ISM2: variants seen among roughly 807,000 people sequenced by gnomAD.
ISM2 encodes the protein isthmin-2.
A neutral mutation model predicts 58.0 loss-of-function variants in ISM2; 50 were observed. That is an observed-to-expected ratio of 0.86 (90% CI 0.69 to 1.09). The LOEUF (loss-of-function observed/expected upper bound fraction) is 1.09. Among genes scored for constraint, ISM2 ranks in the 50% least tolerant of loss-of-function variants. ISM2 has a pLI of 0.00. For synonymous variants in ISM2, 303 were observed against 312.4 expected (o/e 0.97, Z 0.32); for missense variants, 723 against 745.0 (o/e 0.97, Z 0.34).
At chr14:77,478,876 T>A (rs986907535) in intron 4 of ISM2, among the ~76,000 whole-genome samples, 161 bp from the exon 5 acceptor site, 2 of 152,118 alleles carry the variant, frequency 1.3e-5, no homozygotes, top group Admixed American at 1.3e-4. Context: ...ACCTGCTCCC[T>A]CAACTGGATT....
chr14:77,482,385 C>T lies in ISM2; in HGVS notation c.910G>A (p.Asp304Asn). 6.2e-7 allele frequency: 1 copy of T among 1,614,194 alleles called. No individual in the cohort carries two copies. The highest frequency in any genetic ancestry group is 1.6e-4 in the Middle Eastern group (1 of 6,062). Residue 304 changes from aspartate to asparagine, a missense_variant, in exon 4 of 7, where the codon GAC becomes AAC. By Grantham distance (23) the Asp-to-Asn change is conservative (BLOSUM62 1). Coordinates refer to ENST00000342219, the MANE Select transcript of ISM2 (RefSeq NM_199296.3). ...GCCAGCCAGCCCTGGTCCCAGTTGT[C>T]TGTAGTTCCATTGAACCAGAGCGCC... ...EQALWFNGTT[D>N]NWDQGWLAPG...
At chr14:77,482,268 C>T in intron 4 of ISM2, 54 bp downstream of exon 4, 1 of 1,385,708 alleles carries the variant, frequency 7.2e-7, no homozygotes, top group South Asian at 1.3e-5. Context: ...ACCCCCATTT[C>T]CACTCAGTAC....
At chr14:77,498,579 G>C (rs1003928124) in intron 1 of ISM2, 74 bp downstream of exon 1, 44 of 1,388,880 alleles carry the variant, frequency 3.2e-5, no homozygotes, top group Non-Finnish European at 4.0e-5. Context: ...CCCGCTCCCC[G>C]CACGGCTGGA....
intron 1 of ISM2, among the ~76,000 whole-genome samples, chr14:77,490,154 C>T (rs1006581066): frequency 3.3e-5 from 5 of 149,962 alleles, no homozygotes; most frequent in Admixed American, 1.3e-4. Flanking sequence ...TGAGCCACCA[C>T]GCCCGGCTAA....
chr14:77,480,511 T>G lies in ISM2; in HGVS notation c.974-1796A>C, dbSNP rs539298354. On this transcript the variant is annotated intron_variant, in intron 4 of 6. Transcript: ENST00000342219. ...CTGGCGCCAAGAGTTTAAGGAAAAT[T>G]AATGGGAGAAAAGCTGAAAAACACG... Among the ~76,000 whole-genome samples the G allele has an allele frequency of 1.3e-3, 190 of 149,090 alleles. 1 individual carries two copies. Among genetic ancestry groups the G allele is most frequent in the Non-Finnish European group, 1.2e-3 (84 of 67,474 alleles).
At chr14:77,498,368 C>A in intron 1 of ISM2, 1 of 1,372,244 alleles carries the variant, frequency 7.3e-7, no homozygotes, top group Non-Finnish European at 9.7e-7. Flanking sequence ...AGCCCGGCCA[C>A]CGTGGAGTGT....
intron 5 of ISM2, 59 bp downstream of exon 5, chr14:77,478,516 C>T (rs1461916250): frequency 3.2e-6 from 5 of 1,582,946 alleles, no homozygotes; most frequent in Middle Eastern, 2.0e-4. Flanking sequence ...CCCAGGGGAC[C>T]AAGCCTCCAG....
intron 1 of ISM2, among the ~76,000 whole-genome samples, chr14:77,486,569 T>C (rs2079169057): frequency 6.6e-6 from 1 of 152,150 alleles, no homozygotes; most frequent in Admixed American, 6.5e-5. Flanking sequence ...TCCTAGCAGC[T>C]CCCACCCACA....
At chr14:77,495,987 T>C (rs1894615142) in intron 1 of ISM2, among the ~76,000 whole-genome samples, 1 of 151,560 alleles carries the variant, frequency 6.6e-6, no homozygotes, top group Admixed American at 6.6e-5. Context: ...CCAAGGCAGA[T>C]GGATCACTTG....
intron 6 of ISM2, among the ~76,000 whole-genome samples, chr14:77,477,700 T>A (rs896807310): frequency 6.6e-6 from 1 of 152,172 alleles, no homozygotes; most frequent in Non-Finnish European, 1.5e-5. Flanking sequence ...GCAGGCTCAG[T>A]AGGCTCTTGC....
rs779927826 is a variant in ISM2 at position 77,475,788 on chromosome 14, C to A, written c.1523G>T (p.Gly508Val). The A allele has an allele frequency of 3.7e-6, 6 of 1,613,114 alleles. No individual in the cohort carries two copies. The highest frequency in any genetic ancestry group is 5.1e-6 in the Non-Finnish European group (6 of 1,179,818). The change falls in exon 7 of 7, where the codon GGC becomes GTC. Residue 508 changes from glycine to valine, a missense_variant. Physicochemically the swap from Gly to Val is moderately radical, Grantham distance 109. Coordinates refer to ENST00000342219, the MANE Select transcript of ISM2 (RefSeq NM_199296.3). This position sits in a 1 kb window ranked among gnomAD's most constrained non-coding sequence, Gnocchi z 4.1. ...SRLLTRGKGAGMPNLISTDFS... is the reference protein window; with the variant it reads ...SRLLTRGKGAVMPNLISTDFS... ...GTCGGTGCTGATGAGGTTGGGCATGCCGGCGCCCTTGCCACGGGTCAGCAG... is the reference window on the plus strand; with the variant it reads ...GTCGGTGCTGATGAGGTTGGGCATGACGGCGCCCTTGCCACGGGTCAGCAG...
In ISM2 at chr14:77,474,403, A is replaced by T. The variant is rs528964261; in HGVS notation, c.*1192T>A. Reference sequence around the variant, plus strand: ...TCTTCATCAGGCAGAATTTGAAAATAAAGTGCTTTATTGCTGAGGAGCCCA... The same window carrying T: ...TCTTCATCAGGCAGAATTTGAAAATTAAGTGCTTTATTGCTGAGGAGCCCA... On this transcript the variant is annotated 3_prime_UTR_variant, in exon 7 of 7. Coordinates refer to ENST00000342219, the MANE Select transcript of ISM2 (RefSeq NM_199296.3). The T allele has an allele frequency of 3.1e-4, 47 of 152,344 alleles. No individual in the cohort carries two copies. The highest frequency in any genetic ancestry group is 1.0e-3 in the African/African-American group (43 of 41,572). The allele number at this position is 152,344 out of a possible 1,614,324, so 9.4% of individuals were successfully genotyped here.
intron 1 of ISM2, among the ~76,000 whole-genome samples, chr14:77,493,621 C>T (rs1256971697): frequency 6.6e-6 from 1 of 151,592 alleles, no homozygotes; most frequent in African/African-American, 2.4e-5. Context: ...ACCACCACGC[C>T]TGGCTAATTT....
At chr14:77,493,749 A>T (rs1397857353) in intron 1 of ISM2, among the ~76,000 whole-genome samples, 1 of 151,792 alleles carries the variant, frequency 6.6e-6, no homozygotes, top group East Asian at 1.9e-4. Flanking sequence ...GGCGTGAGCC[A>T]CTGCGGCCAG....
In ISM2 at chr14:77,484,261, C is replaced by T. The variant is rs966391542; in HGVS notation, c.627+62G>A. The T allele has an allele frequency of 5.7e-6, 9 of 1,573,636 alleles. No individual in the cohort carries two copies. The African/African-American group carries it at 9.5e-5, about 17-fold the overall frequency. On this transcript the variant is annotated intron_variant, in intron 3 of 6. Transcript: ENST00000342219. ...CAGGATATAGGGTATCCTGAGCCCACCTTGTCAGCCCCGCTCCTCTCCGGG... is the reference window on the plus strand; with the variant it reads ...CAGGATATAGGGTATCCTGAGCCCATCTTGTCAGCCCCGCTCCTCTCCGGG...
At chr14:77,485,909 C>T (rs2079164727) in intron 1 of ISM2, among the ~76,000 whole-genome samples, 1 of 152,252 alleles carries the variant, frequency 6.6e-6, no homozygotes, top group African/African-American at 2.4e-5. Context: ...TTCAACTTGA[C>T]AATATCCTCG....
At chr14:77,492,517 T>A (rs965548242) in intron 1 of ISM2, among the ~76,000 whole-genome samples, 8 of 3,566 alleles carry the variant, frequency 2.2e-3, no homozygotes, top group East Asian at 0.1. Flanking sequence ...GGCCCCAGCC[T>A]TTTTTTTTTT....
In ISM2 at chr14:77,484,409, G is replaced by A; in HGVS notation, c.541C>T (p.Gln181Ter). ...TCCAGCAGCAAGGGAGTAACCTCCT[G>A]GGTCCTGGGAGGCGTGGCATTCCCT... ...TPGNATPPRT[Q>*]EVTPLLLELQ... The change falls in exon 3 of 7, where the codon CAG (glutamine) becomes TAG (stop). Residue 181 changes from glutamine (Q) to a stop codon, truncating the protein, a stop_gained. Coordinates refer to ENST00000342219, the MANE Select transcript of ISM2 (RefSeq NM_199296.3). LOFTEE classifies it high-confidence loss of function. 6.2e-7 allele frequency: 1 copy of A among 1,613,032 alleles called. No homozygotes were observed. The highest frequency in any genetic ancestry group is 8.5e-7 in the Non-Finnish European group (1 of 1,179,622).
Position 77,488,748 on chromosome 14 carries a change from G to A in ISM2, c.142-3829C>T, listed in dbSNP as rs971802262. 3.3e-5 allele frequency among the ~76,000 whole-genome samples: 5 copies of A among 152,330 alleles called. No homozygotes were observed. The South Asian group carries it at 1.0e-3, about 32-fold the overall frequency. On this transcript the variant is annotated intron_variant, in intron 1 of 6. Transcript: ENST00000342219. ...CAGAAGGCAGACAGAGGAGCCATCA[G>A]GGGCACCCCCCTCGCCAGGCAACAT...
Sources: gnomAD v4.1 joint callset for allele counts (sites outside exome capture counted in the v4.1 genomes callset) on GRCh38, gnomAD v4.1.1 for gene constraint, Gnocchi (gnomAD v3.1) non-coding constraint, MANE v1.5 for transcripts, NCBI Gene and HGNC (gene_info 2026-07-23, HGNC 2026-07-21) for gene names.